Variants in FAM241A observed in about 807,000 individuals in gnomAD.
FAM241A encodes the protein family with sequence similarity 241 member A, also known as uncharacterized protein FAM241A.
Under a neutral mutation model 12.2 loss-of-function variants are expected in FAM241A, and 7 were observed. That is an observed-to-expected ratio of 0.58 (90% CI 0.33 to 1.08). The LOEUF (loss-of-function observed/expected upper bound fraction) is 1.08. Among genes scored for constraint, FAM241A ranks in the 50% least tolerant of loss-of-function variants. The probability of loss-of-function intolerance (pLI) is 0.04; values close to 1 mark genes in which losing one functional copy is unlikely to be tolerated. For synonymous variants in FAM241A, 74 were observed against 68.2 expected (o/e 1.08, Z -0.42); for missense variants, 161 against 169.7 (o/e 0.95, Z 0.29).
chr4:112,156,533 T>C (rs557210345), intron 1 of FAM241A, among the ~76,000 whole-genome samples: 3 of 152,344 alleles, frequency 2.0e-5, no homozygotes, highest in Admixed American at 2.0e-4. Context: ...TGGCAAATGT[T>C]TCAGAAAATT....
rs1281495725 is a variant in FAM241A at position 112,184,242 on chromosome 4, A to C, written c.154-2451A>C. Among the ~76,000 whole-genome samples the C allele has an allele frequency of 2.0e-5, 3 of 152,208 alleles. No homozygotes were observed. The East Asian group carries it at 5.8e-4, about 29-fold the overall frequency. ...CCAAAAGTAATTTTAAAAATTATAT[A>C]AAATAGGCCGGGCACAGTGGCTCAC... On this transcript the variant is annotated intron_variant, in intron 1 of 1. Coordinates refer to ENST00000309733, the MANE Select transcript of FAM241A (RefSeq NM_152400.3).
intron 1 of FAM241A, among the ~76,000 whole-genome samples, chr4:112,162,865 C>T (rs886214939): frequency 6.6e-6 from 1 of 152,114 alleles, no homozygotes; most frequent in Non-Finnish European, 1.5e-5. Flanking sequence ...CAATCCTAAG[C>T]CAAAAGAACA....
intron 1 of FAM241A, among the ~76,000 whole-genome samples, chr4:112,150,019 C>T (rs978136040): frequency 3.3e-5 from 5 of 151,902 alleles, no homozygotes; most frequent in African/African-American, 9.7e-5. Flanking sequence ...TCTTTCTATA[C>T]ATATTAAGAA....
At chr4:112,148,554 G>C (rs1185599134) in intron 1 of FAM241A, among the ~76,000 whole-genome samples, 1 of 152,140 alleles carries the variant, frequency 6.6e-6, no homozygotes, top group Non-Finnish European at 1.5e-5. Flanking sequence ...ACTTAAGAAA[G>C]GAGGCCTTGG....
chr4:112,148,918 A>T (rs544230532), intron 1 of FAM241A, among the ~76,000 whole-genome samples: 1 of 152,240 alleles, frequency 6.6e-6, no homozygotes, highest in African/African-American at 2.4e-5. Context: ...ACCTAACATG[A>T]CCCTCTTACC....
At position 112,191,668 on chromosome 4, in the gene FAM241A, A is replaced by T. The variant is rs1005789437; in HGVS notation, c.*4730A>T. ...TGACCAATATCTACACAGCCTTAAG[A>T]CCTCAAGTGAGACATCATGTCCTCC... is the stretch of plus-strand genomic sequence containing the variant. On this transcript the variant is annotated 3_prime_UTR_variant, in exon 2 of 2. Coordinates refer to ENST00000309733, the MANE Select transcript of FAM241A (RefSeq NM_152400.3). 8 of 151,868 alleles carry T rather than the reference A, an allele frequency of 5.3e-5. No individual in the cohort carries two copies. Among genetic ancestry groups the T allele is most frequent in the Non-Finnish European group, 1.0e-4 (7 of 68,050 alleles). The allele number at this position is 151,868 out of a possible 1,614,324, so 9.4% of individuals were successfully genotyped here.
intron 1 of FAM241A, among the ~76,000 whole-genome samples, chr4:112,170,572 T>C (rs1723698464): frequency 6.6e-6 from 1 of 152,198 alleles, no homozygotes. Flanking sequence ...GGGTGGATCA[T>C]GTCAACAGCA....
At chr4:112,173,880 G>C (rs1723772093) in intron 1 of FAM241A, among the ~76,000 whole-genome samples, 1 of 152,204 alleles carries the variant, frequency 6.6e-6, no homozygotes, top group South Asian at 2.1e-4. Flanking sequence ...GAATTCAGCA[G>C]ACTGTCTCCT....
chr4:112,192,796 G>T lies in FAM241A; in HGVS notation c.*5858G>T, dbSNP rs1578383392. 3 of 151,788 alleles carry T rather than the reference G, an allele frequency of 2.0e-5. No homozygotes were observed. In the East Asian group the frequency reaches 5.8e-4, roughly 29 times the overall value. The allele number at this position is 151,788 out of a possible 1,614,324, so 9.4% of individuals were successfully genotyped here. ...AGTCTTTGCTATTGTGAATAGTGCTGCAATAAACATACGTGTGCATGTGTC... is the reference window on the plus strand; with the variant it reads ...AGTCTTTGCTATTGTGAATAGTGCTTCAATAAACATACGTGTGCATGTGTC... On this transcript the variant is annotated 3_prime_UTR_variant, in exon 2 of 2. Coordinates refer to ENST00000309733, the MANE Select transcript of FAM241A (RefSeq NM_152400.3).
At chr4:112,168,236 A>AT (rs759126399) in intron 1 of FAM241A, among the ~76,000 whole-genome samples, 1 of 152,238 alleles carries the variant, frequency 6.6e-6, no homozygotes, top group African/African-American at 2.4e-5. Context: ...AATGTCACAG[A>AT]TTCACACACT....
intron 1 of FAM241A, among the ~76,000 whole-genome samples, chr4:112,175,175 T>C (rs1471852628): frequency 1.3e-5 from 2 of 152,188 alleles, no homozygotes; most frequent in Non-Finnish European, 2.9e-5. Context: ...GCTTACGTTA[T>C]GAAAAAGACC....
At chr4:112,183,363 C>T (rs548407900) in intron 1 of FAM241A, among the ~76,000 whole-genome samples, 2 of 152,180 alleles carry the variant, frequency 1.3e-5, no homozygotes, top group African/African-American at 4.8e-5. Context: ...CTTCAGCTTC[C>T]AGTCTCAATC....
intron 1 of FAM241A, among the ~76,000 whole-genome samples, chr4:112,170,524 G>A (rs1348646845): frequency 6.6e-6 from 1 of 152,106 alleles, no homozygotes; most frequent in Non-Finnish European, 1.5e-5. Flanking sequence ...CTTGTGATCT[G>A]TCGATCTGAT....
rs1312524076 is a variant in FAM241A, at chr4:112,188,968, T to G, written c.*2030T>G. 1 of 152,198 alleles carries G rather than the reference T, an allele frequency of 6.6e-6. No homozygotes were observed. The highest frequency in any genetic ancestry group is 1.5e-5 in the Non-Finnish European group (1 of 68,016). The allele number at this position is 152,198 out of a possible 1,614,324, so 9.4% of individuals were successfully genotyped here. On this transcript the variant is annotated 3_prime_UTR_variant, in exon 2 of 2. Transcript: ENST00000309733. ...CATCAAATAATATTTGGCTTTGATA[T>G]GGGAAAAAACAAACTTTGCCTATGT... is the stretch of plus-strand genomic sequence containing the variant.
At chr4:112,182,560 C>T (rs977620076) in intron 1 of FAM241A, among the ~76,000 whole-genome samples, 1 of 152,002 alleles carries the variant, frequency 6.6e-6, no homozygotes, top group African/African-American at 2.4e-5. Flanking sequence ...GGATCAAACT[C>T]ATCGACTATA....
intron 1 of FAM241A, among the ~76,000 whole-genome samples, chr4:112,177,238 A>G (rs1368850637): frequency 1.3e-5 from 2 of 152,068 alleles, no homozygotes; most frequent in Non-Finnish European, 1.5e-5. Context: ...ATGTAAAGGA[A>G]AAAAGATAGT....
chr4:112,164,984 C>A (rs1424665701), intron 1 of FAM241A, among the ~76,000 whole-genome samples: 1 of 152,110 alleles, frequency 6.6e-6, no homozygotes, highest in Non-Finnish European at 1.5e-5. Flanking sequence ...ATGGGCTCAG[C>A]TATTTGGGAG....
At position 112,186,682 on chromosome 4, in the gene FAM241A, T is replaced by C. The variant is rs1354949482; in HGVS notation, c.154-11T>C. ...TATGTTCATGTTTTGTCTTTTTTTT[T>C]TTTTTTAAAGGATGTTGAAGACTCA... is the stretch of plus-strand genomic sequence containing the variant. On this transcript the variant is annotated splice_polypyrimidine_tract_variant and intron_variant, in intron 1 of 1. Coordinates refer to ENST00000309733, the MANE Select transcript of FAM241A (RefSeq NM_152400.3). 4 of 1,580,506 alleles carry C rather than the reference T, an allele frequency of 2.5e-6. No individual in the cohort carries two copies. The East Asian group carries it at 6.7e-5, about 27-fold the overall frequency.
At chr4:112,172,327 G>A (rs1723740092) in intron 1 of FAM241A, among the ~76,000 whole-genome samples, 1 of 152,204 alleles carries the variant, frequency 6.6e-6, no homozygotes, top group Non-Finnish European at 1.5e-5. Context: ...TAACCTTTGA[G>A]ATGAAGAGGA....
Sources: allele counts gnomAD v4.1 joint callset (sites outside exome capture counted in the v4.1 genomes callset), GRCh38; gene constraint gnomAD v4.1.1; transcripts MANE v1.5; gene names NCBI Gene and HGNC (gene_info 2026-07-23, HGNC 2026-07-21).